Variants in PIGU observed in about 807,000 individuals in gnomAD.
The protein encoded by PIGU is GPI-anchor transamidase component PIGU.
In PIGU, 24 loss-of-function variants were observed where a neutral mutation model predicts 49.9. That is an observed-to-expected ratio of 0.48 (90% CI 0.35 to 0.68). The LOEUF is 0.68. Ranked by LOEUF, PIGU falls within the 30% of genes least tolerant of loss-of-function variation. The pLI, the probability that PIGU is intolerant of heterozygous loss-of-function variation, is 0.01. For synonymous variants in PIGU, 220 were observed against 205.7 expected, an observed-to-expected ratio of 1.07 and a Z score of -0.59; for missense variants, 490 against 532.6, an observed-to-expected ratio of 0.92 and a Z score of 0.79.
intron 7 of PIGU, among the ~76,000 whole-genome samples, chr20:34,612,825 G>A (rs1387319225): frequency 6.6e-6 from 1 of 151,802 alleles, no homozygotes; most frequent in Non-Finnish European, 1.5e-5. Flanking sequence ...GTTTCGTCAT[G>A]TTGGCCAGGC....
At chr20:34,610,065 T>C (rs1984756482) in intron 7 of PIGU, among the ~76,000 whole-genome samples, 1 of 152,164 alleles carries the variant, frequency 6.6e-6, no homozygotes, top group South Asian at 2.1e-4. Context: ...CAATTAAACC[T>C]CTTTCCTTTG....
At position 34,575,254 on chromosome 20, in the gene PIGU, G is replaced by C. The variant is rs1983177796; in HGVS notation, c.1052-8C>G. On this transcript the variant is annotated splice_polypyrimidine_tract_variant and splice_region_variant and intron_variant, in intron 10 of 11. Coordinates refer to ENST00000217446, the MANE Select transcript of PIGU (RefSeq NM_080476.5). ...CAAAGATGTTTCTCAGGACTGCAAA[G>C]ACAGAGGGTTACAGTTAGCCTGACA... is the stretch of plus-strand genomic sequence containing the variant. 1 of 1,613,586 alleles carries C rather than the reference G, an allele frequency of 6.2e-7. No homozygotes were observed.
intron 9 of PIGU, among the ~76,000 whole-genome samples, chr20:34,582,775 C>T (rs180906979): frequency 6.6e-6 from 1 of 152,224 alleles, no homozygotes; most frequent in African/African-American, 2.4e-5. Context: ...GGTTAGTAAG[C>T]GATGGAGTTG....
At chr20:34,593,234 G>A (rs866326851) in intron 7 of PIGU, among the ~76,000 whole-genome samples, 2 of 152,172 alleles carry the variant, frequency 1.3e-5, no homozygotes, top group Middle Eastern at 3.4e-3. Context: ...CTACTCCAGA[G>A]GCTGAAGTGG....
At chr20:34,576,706 C>T (rs1399448616) in intron 10 of PIGU, among the ~76,000 whole-genome samples, 1 of 152,116 alleles carries the variant, frequency 6.6e-6, no homozygotes, top group Non-Finnish European at 1.5e-5. Context: ...ACTGAAGCCT[C>T]GAATTCCTGG....
chr20:34,677,061 G>A lies in PIGU; in HGVS notation c.25C>T (p.Leu9=), dbSNP rs201953878. 95 of 1,569,764 alleles carry A rather than the reference G, an allele frequency of 6.1e-5. No homozygotes were observed. The African/African-American group carries it at 1.2e-3, about 19-fold the overall frequency. Residue 9 remains leucine (L), a synonymous_variant, in exon 1 of 12, where the codon CTG becomes TTG. Transcript: ENST00000217446. MAAPLVLV[L]VVAVTVRAAL... The stretch of plus-strand genomic sequence containing the variant: ...GCCCGCACTGTCACAGCCACCACCA[G>A]CACCAGGACCAAGGGAGCCGCCATG...
chr20:34,616,200 A>G, intron 6 of PIGU, 61 bp from the exon 7 acceptor site: 2 of 1,562,228 alleles, frequency 1.3e-6, no homozygotes, highest in Middle Eastern at 1.7e-4. Context: ...TAGACTCAGC[A>G]AGTCCCTCTC....
chr20:34,615,187 A>G (rs898311473), intron 7 of PIGU, among the ~76,000 whole-genome samples: 6 of 152,228 alleles, frequency 3.9e-5, no homozygotes, highest in South Asian at 2.1e-4. Context: ...CTACTCCATA[A>G]AGTTCTTATG....
intron 6 of PIGU, among the ~76,000 whole-genome samples, chr20:34,630,172 A>G (rs746224231): frequency 1.1e-4 from 17 of 152,106 alleles, no homozygotes; most frequent in Non-Finnish European, 2.2e-4. Flanking sequence ...ATGTGCAGCC[A>G]AATGACCATT....
intron 7 of PIGU, among the ~76,000 whole-genome samples, chr20:34,608,038 G>T (rs1984680018): frequency 6.7e-6 from 1 of 148,864 alleles, no homozygotes; most frequent in African/African-American, 2.5e-5. Flanking sequence ...TTCTCTTCTT[G>T]CCCTTTTAGT....
intron 1 of PIGU, among the ~76,000 whole-genome samples, chr20:34,673,670 T>C (rs536993557): frequency 1.3e-5 from 2 of 152,334 alleles, no homozygotes; most frequent in South Asian, 4.1e-4. Context: ...CCTTTTTGGC[T>C]TTCATTATTG....
chr20:34,599,671 T>A (rs560748053), intron 7 of PIGU, among the ~76,000 whole-genome samples: 5 of 152,310 alleles, frequency 3.3e-5, no homozygotes, highest in African/African-American at 1.2e-4. Flanking sequence ...TACTATCAGA[T>A]GGTCTATGAA....
chr20:34,645,357 TA>T (rs761263646), intron 2 of PIGU, 23 bp from the exon 3 acceptor site: 58 of 1,550,298 alleles, frequency 3.7e-5, no homozygotes, highest in Middle Eastern at 1.7e-4. Context: ...AACAGACATG[TA>T]AAAAAAATTA....
At chr20:34,588,684 C>T (rs1181625085) in intron 7 of PIGU, 77 bp from the exon 8 acceptor site, 1 of 1,396,492 alleles carries the variant, frequency 7.2e-7, no homozygotes, top group Admixed American at 2.2e-5. Context: ...CTTAAAGATC[C>T]CTCCCGCAAA....
chr20:34,658,562 G>A (rs1465772164), intron 1 of PIGU, among the ~76,000 whole-genome samples: 11 of 151,124 alleles, frequency 7.3e-5, no homozygotes, highest in South Asian at 2.1e-4. Context: ...GTCTCTGCCC[G>A]GCCGCCCATC....
intron 10 of PIGU, among the ~76,000 whole-genome samples, chr20:34,578,787 A>G (rs1472554290): frequency 2.0e-5 from 3 of 152,228 alleles, no homozygotes; most frequent in Non-Finnish European, 4.4e-5. Flanking sequence ...ATGGAGCTGG[A>G]GACCTGGGGT....
At chr20:34,571,305 G>A (rs1388617292) in intron 11 of PIGU, among the ~76,000 whole-genome samples, 1 of 152,128 alleles carries the variant, frequency 6.6e-6, no homozygotes, top group Non-Finnish European at 1.5e-5. Context: ...GGTAAAGGAT[G>A]GGGCCTTAGT....
intron 4 of PIGU, among the ~76,000 whole-genome samples, chr20:34,639,745 CA>C (rs1986090513): frequency 6.6e-6 from 1 of 152,196 alleles, no homozygotes; most frequent in African/African-American, 2.4e-5. Context: ...CAACAAACTT[CA>C]AAAACCTCCC....
chr20:34,575,046 C>CGGG, intron 11 of PIGU, 58 bp downstream of exon 11: 1 of 1,596,650 alleles, frequency 6.3e-7, no homozygotes, highest in Non-Finnish European at 8.6e-7. Context: ...TCGTTGAATG[C>CGGG]TTGAGGCTGC....
Sources: allele counts gnomAD v4.1 joint callset (sites outside exome capture counted in the v4.1 genomes callset), GRCh38; gene constraint gnomAD v4.1.1; transcripts MANE v1.5; gene names NCBI Gene and HGNC (gene_info 2026-07-23, HGNC 2026-07-21).